The following KDM4C variants were observed in gnomAD, a reference collection of about 807,000 sequenced individuals.
The protein encoded by KDM4C is lysine demethylase 4C.
A neutral mutation model predicts 129.3 loss-of-function variants in KDM4C; 81 were observed. The observed-to-expected ratio is 0.63, with a 90% CI of 0.52 to 0.75. The LOEUF is 0.75. Ranked by LOEUF, KDM4C falls within the 30% of genes least tolerant of loss-of-function variation. The pLI is 0.00. For synonymous variants in KDM4C, 573 were observed against 456.1 expected, an observed-to-expected ratio of 1.26 and a Z score of -3.26; for missense variants, 1,457 against 1,304.0, an observed-to-expected ratio of 1.12 and a Z score of -1.81.
At chr9:7,016,388 A>C (rs549955427) in intron 15 of KDM4C, among the ~76,000 whole-genome samples, 1 of 148,498 alleles carries the variant, frequency 6.7e-6, no homozygotes, top group East Asian at 2.0e-4. Context: ...CGGCCTCCCA[A>C]AGTGCTGGGA....
intron 15 of KDM4C, among the ~76,000 whole-genome samples, chr9:7,037,881 G>C (rs1827923608): frequency 1.3e-5 from 2 of 152,064 alleles, no homozygotes; most frequent in Non-Finnish European, 2.9e-5. Flanking sequence ...CTGACTAGCA[G>C]TATAGCCAGA....
At chr9:6,937,802 C>T (rs1825095196) in intron 8 of KDM4C, among the ~76,000 whole-genome samples, 1 of 152,070 alleles carries the variant, frequency 6.6e-6, no homozygotes, top group Non-Finnish European at 1.5e-5. Flanking sequence ...ACCTCTGCCT[C>T]CCGGGTTCAA....
chr9:6,929,623 T>C (rs11789250), intron 8 of KDM4C, among the ~76,000 whole-genome samples: 38,229 of 151,660 alleles, frequency 0.25, 5,271 homozygotes, highest in South Asian at 0.39. Context: ...GTAGACTCTT[T>C]TTAGCAGCCC....
At chr9:6,927,720 A>G (rs1052528033) in intron 8 of KDM4C, among the ~76,000 whole-genome samples, 3 of 152,196 alleles carry the variant, frequency 2.0e-5, no homozygotes, top group Non-Finnish European at 1.5e-5. Flanking sequence ...CCTCCACACA[A>G]GTGAACATGT....
At chr9:6,945,685 C>G (rs1387713592) in intron 8 of KDM4C, among the ~76,000 whole-genome samples, 1 of 152,006 alleles carries the variant, frequency 6.6e-6, no homozygotes, top group African/African-American at 2.4e-5. Flanking sequence ...CATTTAAAAC[C>G]AGGATTTTAC....
At chr9:7,016,320 G>A (rs1316518964) in intron 15 of KDM4C, among the ~76,000 whole-genome samples, 1 of 151,308 alleles carries the variant, frequency 6.6e-6, no homozygotes, top group East Asian at 1.9e-4. Flanking sequence ...GTAGAGACGG[G>A]GTTTCAACGT....
At chr9:6,838,673 C>G (rs1297692452) in intron 4 of KDM4C, among the ~76,000 whole-genome samples, 2 of 152,220 alleles carry the variant, frequency 1.3e-5, no homozygotes, top group Non-Finnish European at 2.9e-5. Context: ...AAACAGAAAG[C>G]AGTGCTGTAA....
At chr9:6,913,268 TCATTA>T (rs1358340312) in intron 8 of KDM4C, among the ~76,000 whole-genome samples, 81 of 152,316 alleles carry the variant, frequency 5.3e-4, no homozygotes, top group East Asian at 7.7e-4. Flanking sequence ...AAAAACCCTT[TCATTA>T]AAATGTTTCC....
intron 5 of KDM4C, among the ~76,000 whole-genome samples, chr9:6,871,500 G>GA (rs1489255919): frequency 1.4e-4 from 22 of 152,290 alleles, no homozygotes; most frequent in African/African-American, 5.3e-4. Context: ...GTTCATTAGT[G>GA]ACTCAGTTTT....
At chr9:6,955,989 T>G (rs1285891531) in intron 8 of KDM4C, among the ~76,000 whole-genome samples, 1 of 152,218 alleles carries the variant, frequency 6.6e-6, no homozygotes, top group Non-Finnish European at 1.5e-5. Flanking sequence ...AGAGTGTGTT[T>G]TAGTTCCTTC....
intron 8 of KDM4C, among the ~76,000 whole-genome samples, chr9:6,943,393 G>A (rs1354758865): frequency 6.6e-6 from 1 of 152,100 alleles, no homozygotes; most frequent in Non-Finnish European, 1.5e-5. Flanking sequence ...ATTTCTCTTT[G>A]GATAAAACAC....
upstream of KDM4C, among the ~76,000 whole-genome samples, chr9:6,755,251 G>T (rs189176775): frequency 5.4e-4 from 82 of 152,278 alleles, no homozygotes; most frequent in Admixed American, 2.7e-3. Flanking sequence ...CGCGCCTGTA[G>T]TCCCAGCTAC....
rs183458717 is a variant in KDM4C, at chr9:7,147,377, T to G, written c.2782-17861T>G. The stretch of plus-strand genomic sequence containing the variant: ...ACAGGGCAGCCTTCTCTCCCCTGCG[T>G]GCCTATCCTTAGCTTTCCTTTCATC... On this transcript the variant is annotated intron_variant, in intron 19 of 21. Coordinates refer to ENST00000381309, the MANE Select transcript of KDM4C (RefSeq NM_015061.6). 8.0e-4 allele frequency among the ~76,000 whole-genome samples: 122 copies of G among 152,320 alleles called. 3 individuals carry two copies. In the East Asian group the frequency reaches 0.019, roughly 24 times the overall value.
At chr9:7,055,725 C>T (rs1248616143) in intron 17 of KDM4C, among the ~76,000 whole-genome samples, 1 of 152,122 alleles carries the variant, frequency 6.6e-6, no homozygotes, top group Non-Finnish European at 1.5e-5. Context: ...TGTTCTCTTG[C>T]CAACTGACTC....
At chr9:7,013,760 A>G (rs368837335) in intron 13 of KDM4C, 28 bp from the exon 14 acceptor site, 421 of 1,602,122 alleles carry the variant, frequency 2.6e-4, no homozygotes, top group Admixed American at 5.7e-4. Context: ...CATGTTTTTC[A>G]CTCATGTGGA....
rs1829861324 is a variant in KDM4C, at chr9:6,805,786, C to T, written c.320+12C>T. 6.2e-7 allele frequency: 1 copy of T among 1,602,954 alleles called. No homozygotes were observed. The highest frequency in any genetic ancestry group is 1.3e-5 in the African/African-American group (1 of 74,598). ...GCCAACAGTGGCAAGTGAGTAGAAT[C>T]AGTTTGCTATTTCTGTTTCCTTCAA... On this transcript the variant is annotated intron_variant, in intron 3 of 21. Coordinates refer to ENST00000381309, the MANE Select transcript of KDM4C (RefSeq NM_015061.6).
chr9:6,881,709 T>A (rs1454359884), intron 6 of KDM4C, among the ~76,000 whole-genome samples: 1 of 152,224 alleles, frequency 6.6e-6, no homozygotes, highest in Non-Finnish European at 1.5e-5. Flanking sequence ...ACTTGAAGGA[T>A]GAACAAGAAC....
chr9:7,148,231 G>A (rs1174536345), intron 19 of KDM4C, among the ~76,000 whole-genome samples: 2 of 152,264 alleles, frequency 1.3e-5, no homozygotes, highest in African/African-American at 4.8e-5. Context: ...CAGAGAGGAT[G>A]TTACAGTGTG....
intron 15 of KDM4C, among the ~76,000 whole-genome samples, chr9:7,036,373 C>A (rs912469752): frequency 6.6e-6 from 1 of 152,076 alleles, no homozygotes; most frequent in Non-Finnish European, 1.5e-5. Context: ...TTGCTCAGGA[C>A]CCTGGAAATA....
Sources: gnomAD v4.1 joint callset for allele counts (sites outside exome capture counted in the v4.1 genomes callset) on GRCh38, gnomAD v4.1.1 for gene constraint, MANE v1.5 for transcripts, NCBI Gene and HGNC (gene_info 2026-07-23, HGNC 2026-07-21) for gene names.